DNAH8: variants seen among roughly 807,000 people sequenced by gnomAD.
The protein encoded by DNAH8 is dynein axonemal heavy chain 8.
In DNAH8, 382 loss-of-function variants were observed where a neutral mutation model predicts 562.1. That is an observed-to-expected ratio of 0.68 (90% CI 0.63 to 0.74). The LOEUF (loss-of-function observed/expected upper bound fraction) is 0.74, where lower values mean the gene tolerates loss of function less well. Among genes scored for constraint, DNAH8 ranks in the 30% least tolerant of loss-of-function variants. The pLI is 0.00. For missense variants in DNAH8, 5,203 were observed against 5,620.4 expected (o/e 0.93, Z 2.37); for synonymous variants, 1,881 against 1,919.4 (o/e 0.98, Z 0.52).
intron 79 of DNAH8, among the ~76,000 whole-genome samples, chr6:38,939,823 A>G (rs1482101758): frequency 6.6e-6 from 1 of 152,150 alleles, no homozygotes; most frequent in Admixed American, 6.6e-5. Flanking sequence ...GGCTCCCCAC[A>G]CCCCATAAAG....
At position 38,913,876 on chromosome 6, in the gene DNAH8, A is replaced by G; in HGVS notation, c.9887A>G (p.Glu3296Gly). The G allele has an allele frequency of 6.2e-7, 1 of 1,613,212 alleles. No homozygotes were observed. Among genetic ancestry groups the G allele is most frequent in the Non-Finnish European group, 8.5e-7 (1 of 1,179,408 alleles). ...IGLDKLMEAS[E>G]SVAKLSQDLA... Reference sequence around the variant, plus strand: ...CTTGATAAACTAATGGAGGCAAGTGAATCTGTTGCTAAACTCTCTCAGGAT... The same window carrying G: ...CTTGATAAACTAATGGAGGCAAGTGGATCTGTTGCTAAACTCTCTCAGGAT... The change falls in exon 67 of 93, where the codon GAA becomes GGA. Residue 3296 changes from glutamate to glycine, a missense_variant. Physicochemically the swap from Glu to Gly is moderately conservative, Grantham distance 98 (BLOSUM62 -2). Coordinates refer to ENST00000327475, the MANE Select transcript of DNAH8 (RefSeq NM_001206927.2).
intron 10 of DNAH8, among the ~76,000 whole-genome samples, chr6:38,761,020 T>C (rs1766441759): frequency 6.6e-6 from 1 of 152,028 alleles, no homozygotes; most frequent in South Asian, 2.1e-4. Context: ...CTCTTAATTT[T>C]TTTCTTCCAT....
intron 12 of DNAH8, among the ~76,000 whole-genome samples, chr6:38,773,607 G>A (rs1184751988): frequency 6.6e-6 from 1 of 152,124 alleles, no homozygotes; most frequent in Non-Finnish European, 1.5e-5. Context: ...GGTTATCCCA[G>A]CTCCTCTGTG....
chr6:39,011,634 A>G (rs1262018549), intron 89 of DNAH8, among the ~76,000 whole-genome samples: 1 of 152,226 alleles, frequency 6.6e-6, no homozygotes, highest in African/African-American at 2.4e-5. Flanking sequence ...TGATACATCA[A>G]AAGGAACAAA....
rs202187941 is a variant in DNAH8, at chr6:38,857,680, A to G, written c.5896A>G (p.Arg1966Gly). 6.2e-7 allele frequency: 1 copy of G among 1,613,762 alleles called. No homozygotes were observed. The highest frequency in any genetic ancestry group is 8.5e-7 in the Non-Finnish European group (1 of 1,179,826). Residue 1966 changes from arginine (R) to glycine (G), a missense_variant, in exon 42 of 93, where the codon AGA becomes GGA. Transcript: ENST00000327475. ...AACACATGATCTAAGCAAGTTTGAT[A>G]GAGTGAAGTTCGAGACTCTAATTAC... ...QTTHDLSKFD[R>G]VKFETLITIH...
chr6:38,907,411 C>T (rs1288992479), intron 63 of DNAH8, among the ~76,000 whole-genome samples: 1 of 152,152 alleles, frequency 6.6e-6, no homozygotes, highest in Admixed American at 6.5e-5. Flanking sequence ...TAGATGTTTG[C>T]CATGTATCAC....
chr6:38,927,551 G>C (rs557767903), intron 74 of DNAH8, among the ~76,000 whole-genome samples: 8 of 152,126 alleles, frequency 5.3e-5, no homozygotes, highest in African/African-American at 7.2e-5. Context: ...ATTTTCAGGG[G>C]TGCACAAATG....
intron 62 of DNAH8, among the ~76,000 whole-genome samples, chr6:38,902,885 A>G (rs1185215149): frequency 6.6e-6 from 1 of 152,236 alleles, no homozygotes; most frequent in Non-Finnish European, 1.5e-5. Context: ...CCATAAGGAC[A>G]TTTTGGTCAA....
Position 38,906,809 on chromosome 6 carries a change from A to G in DNAH8, c.9348+402A>G, listed in dbSNP as rs16891242. Reference sequence around the variant, plus strand: ...CACTTCCGTGAGCACTCACATCTTTAGTACTTCATCAGAAAGACTCACCAG... The same window carrying G: ...CACTTCCGTGAGCACTCACATCTTTGGTACTTCATCAGAAAGACTCACCAG... On this transcript the variant is annotated intron_variant, in intron 63 of 92. Transcript: ENST00000327475. 5.7e-3 allele frequency among the ~76,000 whole-genome samples: 861 copies of G among 152,242 alleles called. 13 individuals are homozygous for G. Among genetic ancestry groups the G allele is most frequent in the African/African-American group, 0.02 (820 of 41,540 alleles).
In DNAH8 at chr6:38,872,778, A is replaced by G. The variant is rs1461362806; in HGVS notation, c.7233A>G (p.Lys2411=). ...STLWRKTLKA[K]KGENIFLILD... is the part of the protein sequence containing the mutation. ...TGTGGAGAAAAACATTAAAAGCTAA[A>G]AAAGGTATACACAAACCTCCTTTGT... is the stretch of plus-strand genomic sequence containing the variant. The change falls in exon 50 of 93, where the codon AAA becomes AAG. Residue 2411 remains lysine, a synonymous_variant. Coordinates refer to ENST00000327475, the MANE Select transcript of DNAH8 (RefSeq NM_001206927.2). 6.2e-7 allele frequency: 1 copy of G among 1,613,984 alleles called. No individual in the cohort carries two copies. The highest frequency in any genetic ancestry group is 2.2e-5 in the East Asian group (1 of 44,870).
intron 53 of DNAH8, among the ~76,000 whole-genome samples, chr6:38,878,785 C>T (rs903158301): frequency 6.6e-6 from 1 of 152,098 alleles, no homozygotes; most frequent in Admixed American, 6.5e-5. Flanking sequence ...AGATATTGCA[C>T]AGCATGCTGA....
At chr6:38,852,570 AT>A in intron 39 of DNAH8, 123 bp from the exon 40 acceptor site, 1 of 655,330 alleles carries the variant, frequency 1.5e-6, no homozygotes, top group Middle Eastern at 2.8e-4. Flanking sequence ...GTCTCTCTCT[AT>A]TTTTTGAGAC....
At chr6:38,917,492 C>A in intron 69 of DNAH8, 86 bp downstream of exon 69, 2 of 1,082,968 alleles carry the variant, frequency 1.8e-6, no homozygotes, top group Non-Finnish European at 1.3e-6. Flanking sequence ...GACAAACTGG[C>A]AGACAATAAT....
At chr6:38,973,111 A>C (rs1010654738) in intron 83 of DNAH8, among the ~76,000 whole-genome samples, 1 of 152,244 alleles carries the variant, frequency 6.6e-6, no homozygotes, top group Admixed American at 6.5e-5. Context: ...TTAATCAAGT[A>C]TTTATTTAGA....
intron 11 of DNAH8, among the ~76,000 whole-genome samples, chr6:38,769,107 G>A (rs1767308672): frequency 6.6e-6 from 1 of 152,164 alleles, no homozygotes; most frequent in Admixed American, 6.5e-5. Context: ...ATGTTTTCAG[G>A]AAACTTTCAG....
intron 37 of DNAH8, among the ~76,000 whole-genome samples, chr6:38,849,467 G>A (rs953870893): frequency 6.6e-6 from 1 of 151,858 alleles, no homozygotes; most frequent in Non-Finnish European, 1.5e-5. Context: ...GTCGATGAAG[G>A]TAACTTTGCT....
chr6:38,957,459 C>A (rs1285792572), intron 82 of DNAH8, among the ~76,000 whole-genome samples: 1 of 151,776 alleles, frequency 6.6e-6, no homozygotes, highest in African/African-American at 2.4e-5. Flanking sequence ...TAGAGTTAAA[C>A]CATACTCTAA....
At chr6:39,000,200 A>G (rs772148211) in intron 88 of DNAH8, among the ~76,000 whole-genome samples, 3 of 152,224 alleles carry the variant, frequency 2.0e-5, no homozygotes, top group Non-Finnish European at 4.4e-5. Context: ...GGAGCGCATC[A>G]TCTGTTGGGG....
At chr6:38,816,052 A>G (rs1324270692) in intron 26 of DNAH8, among the ~76,000 whole-genome samples, 2 of 142,948 alleles carry the variant, frequency 1.4e-5, no homozygotes, top group African/African-American at 5.4e-5. Flanking sequence ...TTTTTATTTT[A>G]TTTTATTTTG....
Sources: gnomAD v4.1 joint callset for allele counts (sites outside exome capture counted in the v4.1 genomes callset) on GRCh38, gnomAD v4.1.1 for gene constraint, MANE v1.5 for transcripts, NCBI Gene and HGNC (gene_info 2026-07-23, HGNC 2026-07-21) for gene names.